ADAM21: variants seen among roughly 807,000 people sequenced by gnomAD.
ADAM21 encodes the protein disintegrin and metalloproteinase domain-containing protein 21.
For missense variants in ADAM21, 678 were observed against 874.4 expected, an observed-to-expected ratio of 0.78 and a Z score of 2.83; for synonymous variants, 262 against 306.0, an observed-to-expected ratio of 0.86 and a Z score of 1.50.
In ADAM21 at chr14:70,458,346, A is replaced by C; in HGVS notation, c.847A>C (p.Lys283Gln). ...EQVLNDFSQW[K>Q]QISLSQLQHD... ...GGTCCTGAACGATTTCTCTCAATGG[A>C]AACAAATCAGTCTTTCCCAGCTACA... Residue 283 changes from lysine to glutamine, a missense_variant, in exon 2 of 2, where the codon AAA (lysine) becomes CAA (glutamine). Physicochemically the swap from Lys to Gln is moderately conservative, Grantham distance 53. Coordinates refer to ENST00000603540, the MANE Select transcript of ADAM21 (RefSeq NM_003813.4). 6.2e-7 allele frequency: 1 copy of C among 1,614,198 alleles called. No homozygotes were observed. The highest frequency in any genetic ancestry group is 8.5e-7 in the Non-Finnish European group (1 of 1,180,040).
Position 70,458,159 on chromosome 14 carries a change from C to T in ADAM21, c.660C>T (p.Phe220=), listed in dbSNP as rs773476178. Reference sequence around the variant, plus strand: ...TAGTTGTTGTGGTGAACCATGATTTCTTCATTTACTCTCAAAGCAACATCT... The same window carrying T: ...TAGTTGTTGTGGTGAACCATGATTTTTTCATTTACTCTCAAAGCAACATCT... ...LELVVVVNHD[F]FIYSQSNISK... is the part of the protein sequence containing the mutation. Residue 220 remains phenylalanine, a synonymous_variant, in exon 2 of 2, where the codon TTC becomes TTT. Transcript: ENST00000603540. 8 of 1,613,716 alleles carry T rather than the reference C, an allele frequency of 5.0e-6. No individual in the cohort carries two copies. The highest frequency in any genetic ancestry group is 6.8e-6 in the Non-Finnish European group (8 of 1,179,820).
chr14:70,458,202 G>T lies in ADAM21; in HGVS notation c.703G>T (p.Val235Leu). The T allele has an allele frequency of 6.2e-7, 1 of 1,613,860 alleles. No homozygotes were observed. The change falls in exon 2 of 2, where the codon GTA becomes TTA. Residue 235 changes from valine to leucine, a missense_variant. By Grantham distance (32) the Val-to-Leu change is conservative (BLOSUM62 1). Coordinates refer to ENST00000603540, the MANE Select transcript of ADAM21 (RefSeq NM_003813.4). ...QSNISKVQED[V>L]FLVVNIVDSM... The stretch of plus-strand genomic sequence containing the variant: ...CAACATCTCAAAGGTGCAAGAGGAT[G>T]TATTTCTTGTTGTCAACATAGTGGA...
intron 1 of ADAM21, among the ~76,000 whole-genome samples, chr14:70,453,712 G>A (rs866970030): frequency 2.6e-5 from 4 of 152,148 alleles, no homozygotes; most frequent in Non-Finnish European, 1.5e-5. Context: ...TCACTCCATA[G>A]TAAGTAGAAA....
Position 70,459,272 on chromosome 14 carries a change from G to A in ADAM21, c.1773G>A (p.Trp591Ter). ...CTCATATCAATGGTGTCACCTGCTGGGGTATTGACTATCATTTAAGGATGA... is the reference window on the plus strand; with the variant it reads ...CTCATATCAATGGTGTCACCTGCTGAGGTATTGACTATCATTTAAGGATGA... ...QHTHINGVTCWGIDYHLRMNI... is the reference protein window; with the variant it reads ...QHTHINGVTC The change falls in exon 2 of 2, where the codon TGG (tryptophan) becomes TGA (stop). Residue 591 changes from tryptophan to a stop codon, truncating the protein, a stop_gained. Transcript: ENST00000603540. LOFTEE classifies it low-confidence loss of function (END_TRUNC). 6.2e-7 allele frequency: 1 copy of A among 1,614,094 alleles called. No individual in the cohort carries two copies. The highest frequency in any genetic ancestry group is 8.5e-7 in the Non-Finnish European group (1 of 1,180,014).
chr14:70,458,673 T>C lies in ADAM21; in HGVS notation c.1174T>C (p.Ser392Pro). The C allele has an allele frequency of 1.2e-6, 2 of 1,613,984 alleles. No individual in the cohort carries two copies. The highest frequency in any genetic ancestry group is 1.7e-6 in the Non-Finnish European group (2 of 1,180,000). ...TATGAAGACCACCTTAAACCAGGGATCATGTCTGCATAATCCTCCAAGATT... is the reference window on the plus strand; with the variant it reads ...TATGAAGACCACCTTAAACCAGGGACCATGTCTGCATAATCCTCCAAGATT... Reference protein sequence around the residue: ...DFMKTTLNQGSCLHNPPRLGE... With the variant: ...DFMKTTLNQGPCLHNPPRLGE... The change falls in exon 2 of 2, where the codon TCA (serine) becomes CCA (proline). Residue 392 changes from serine to proline, a missense_variant. Physicochemically the swap from Ser to Pro is moderately conservative, Grantham distance 74. Coordinates refer to ENST00000603540, the MANE Select transcript of ADAM21 (RefSeq NM_003813.4).
rs185634040 is a variant in ADAM21 at position 70,455,540 on chromosome 14, A to G, written c.-151-1809A>G. 2.2e-4 allele frequency among the ~76,000 whole-genome samples: 33 copies of G among 152,300 alleles called. 1 individual carries two copies. In the East Asian group the frequency reaches 6.2e-3, roughly 28 times the overall value. ...AATTATAAATATTAAAAGGTTGAAA[A>G]CACCATAAACATCACAAAATTTAAT... On this transcript the variant is annotated intron_variant, in intron 1 of 1. Transcript: ENST00000603540.
Position 70,459,098 on chromosome 14 carries a change from C to G in ADAM21, c.1599C>G (p.Ile533Met). The change falls in exon 2 of 2, where the codon ATC becomes ATG. Residue 533 changes from isoleucine (I) to methionine (M), a missense_variant. By Grantham distance (10) the Ile-to-Met change is conservative. Coordinates refer to ENST00000603540, the MANE Select transcript of ADAM21 (RefSeq NM_003813.4). ...KSASQNCYKEINSQGNRFGHC... is the reference protein window; with the variant it reads ...KSASQNCYKEMNSQGNRFGHC... ...CATCTCAGAATTGCTATAAAGAAAT[C>G]AATTCTCAGGGAAACCGTTTTGGTC... 6.2e-7 allele frequency: 1 copy of G among 1,611,312 alleles called. No homozygotes were observed. Among genetic ancestry groups the G allele is most frequent in the Non-Finnish European group, 8.5e-7 (1 of 1,178,560 alleles).
In ADAM21 at chr14:70,459,353, C is replaced by T; in HGVS notation, c.1854C>T (p.Ile618=). Residue 618 remains isoleucine, a synonymous_variant, in exon 2 of 2, where the codon ATC becomes ATT. Transcript: ENST00000603540. ...GTACTGTGTGTGGCCCAGGAAAGATCTGCATCCATAAGAAGTGTGTCAGTC... is the reference window on the plus strand; with the variant it reads ...GTACTGTGTGTGGCCCAGGAAAGATTTGCATCCATAAGAAGTGTGTCAGTC... ...KDGTVCGPGK[I]CIHKKCVSLS... 2 of 1,614,204 alleles carry T rather than the reference C, an allele frequency of 1.2e-6. No individual in the cohort carries two copies. The highest frequency in any genetic ancestry group is 8.5e-7 in the Non-Finnish European group (1 of 1,180,032).
At position 70,457,745 on chromosome 14, in the gene ADAM21, A is replaced by G. The variant is rs3751523; in HGVS notation, c.246A>G (p.Leu82=). ...HVVHMRVKKL[L]VSRHLPVFTY... The stretch of plus-strand genomic sequence containing the variant: ...TTCATATGAGGGTCAAGAAGCTCTT[A>G]GTTTCTAGACACCTCCCAGTGTTCA... Residue 82 remains leucine, a synonymous_variant, in exon 2 of 2, where the codon TTA becomes TTG. Coordinates refer to ENST00000603540, the MANE Select transcript of ADAM21 (RefSeq NM_003813.4). 1,389,422 of 1,602,534 alleles carry G rather than the reference A, an allele frequency of 0.87. 604,582 individuals are homozygous for G. Among genetic ancestry groups the G allele is most frequent in the Non-Finnish European group, 0.9 (1,051,835 of 1,174,090 alleles).
chr14:70,459,510 A>G lies in ADAM21; in HGVS notation c.2011A>G (p.Ile671Val), dbSNP rs140201357. 256 of 1,614,224 alleles carry G rather than the reference A, an allele frequency of 1.6e-4. No homozygotes were observed. Among genetic ancestry groups the G allele is most frequent in the East Asian group, 4.2e-4 (19 of 44,888 alleles). Residue 671 changes from isoleucine (I) to valine (V), a missense_variant, in exon 2 of 2, where the codon ATT (isoleucine) becomes GTT (valine). By Grantham distance (29) the Ile-to-Val change is conservative (BLOSUM62 3). Transcript: ENST00000603540. ...CCAGCACAGAGGCTATGGGGGCAGT[A>G]TTGACAGTGGCCCAGCATCTGCAAA... ...YCQHRGYGGSIDSGPASAKRG... is the reference protein window; with the variant it reads ...YCQHRGYGGSVDSGPASAKRG...
At position 70,458,883 on chromosome 14, in the gene ADAM21, G is replaced by T. The variant is rs568857206; in HGVS notation, c.1384G>T (p.Glu462Ter). The T allele has an allele frequency of 2.5e-6, 4 of 1,614,176 alleles. No individual in the cohort carries two copies. The South Asian group carries it at 4.4e-5, about 18-fold the overall frequency. Residue 462 changes from glutamate to a stop codon, truncating the protein, a stop_gained, in exon 2 of 2, where the codon GAA becomes TAA. Transcript: ENST00000603540. LOFTEE classifies it low-confidence loss of function (END_TRUNC). ...AGACTGCAAGTTCATGCCATCAGGG[G>T]AACTCTGTAGACAAGAGGTCAATGA... ...CKDCKFMPSGELCRQEVNECD... is the reference protein window; with the variant it reads ...CKDCKFMPSG
Position 70,458,386 on chromosome 14 carries a change from A to C in ADAM21, c.887A>C (p.His296Pro), listed in dbSNP as rs1467254888. ...TCCCAGCTACAGCATGATGCTGCAC[A>C]TATGTTCATAAAAAATTCACTTATA... ...SLSQLQHDAA[H>P]MFIKNSLISI... is the part of the protein sequence containing the mutation. Residue 296 changes from histidine (H) to proline (P), a missense_variant, in exon 2 of 2, where the codon CAT (histidine) becomes CCT (proline). Transcript: ENST00000603540. 1.6e-5 allele frequency: 26 copies of C among 1,614,104 alleles called. No individual in the cohort carries two copies. The highest frequency in any genetic ancestry group is 1.9e-5 in the Non-Finnish European group (23 of 1,180,048).
rs759294193 is a variant in ADAM21 at position 70,457,554 on chromosome 14, C to T, written c.55C>T (p.Leu19Phe). The change falls in exon 2 of 2, where the codon CTT becomes TTT. Residue 19 changes from leucine to phenylalanine, a missense_variant. Physicochemically the swap from Leu to Phe is conservative, Grantham distance 22. Transcript: ENST00000603540. ...YIRVTLLLLW[L>F]GVFLSISGYC... is the part of the protein sequence containing the mutation. ...CAGAGTCACTCTTCTGCTGCTCTGGCTTGGGGTATTTTTGTCTATTTCCGG... is the reference window on the plus strand; with the variant it reads ...CAGAGTCACTCTTCTGCTGCTCTGGTTTGGGGTATTTTTGTCTATTTCCGG... The T allele has an allele frequency of 9.9e-6, 16 of 1,610,276 alleles. No individual in the cohort carries two copies. The highest frequency in any genetic ancestry group is 9.3e-6 in the Non-Finnish European group (11 of 1,178,562).
intron 1 of ADAM21, chr14:70,453,417 G>A (rs72735757): frequency 0.033 from 4,950 of 152,284 alleles, 107 homozygotes; most frequent in Middle Eastern, 0.075. Flanking sequence ...CTGATAGTCC[G>A]CTGACATTAG....
At chr14:70,452,645 C>T (rs375301746) in intron 1 of ADAM21, among the ~76,000 whole-genome samples, 13 of 152,266 alleles carry the variant, frequency 8.5e-5, no homozygotes, top group African/African-American at 2.9e-4. Flanking sequence ...GTATTACAGG[C>T]GTGAGCCACC....
Position 70,458,895 on chromosome 14 carries a change from C to G in ADAM21, c.1396C>G (p.Gln466Glu), listed in dbSNP as rs749877506. ...KFMPSGELCR[Q>E]EVNECDLPEW... Reference sequence around the variant, plus strand: ...CATGCCATCAGGGGAACTCTGTAGACAAGAGGTCAATGAATGTGACCTTCC... The same window carrying G: ...CATGCCATCAGGGGAACTCTGTAGAGAAGAGGTCAATGAATGTGACCTTCC... The change falls in exon 2 of 2, where the codon CAA becomes GAA. Residue 466 changes from glutamine (Q) to glutamate (E), a missense_variant. Physicochemically the swap from Gln to Glu is conservative, Grantham distance 29. Coordinates refer to ENST00000603540, the MANE Select transcript of ADAM21 (RefSeq NM_003813.4). 9 of 1,614,096 alleles carry G rather than the reference C, an allele frequency of 5.6e-6. No homozygotes were observed. Among genetic ancestry groups the G allele is most frequent in the South Asian group, 3.3e-5 (3 of 91,070 alleles).
chr14:70,459,869 T>C lies in ADAM21; in HGVS notation c.*201T>C, dbSNP rs1434742998. The C allele has an allele frequency of 1.5e-6, 1 of 658,968 alleles. No individual in the cohort carries two copies. The highest frequency in any genetic ancestry group is 2.5e-6 in the Non-Finnish European group (1 of 400,448). The allele number at this position is 658,968 out of a possible 1,614,324, so 40.8% of individuals were successfully genotyped here. A position where few individuals can be genotyped will look rare whatever the true frequency, so the allele number is the denominator to read the frequency against. On this transcript the variant is annotated 3_prime_UTR_variant, in exon 2 of 2. Coordinates refer to ENST00000603540, the MANE Select transcript of ADAM21 (RefSeq NM_003813.4). ...TGTTTCTATCTATTGTTTATTGTTT[T>C]AAGCAGCAAATAAAGCTACATCCTT...
rs1054849669 is a variant in ADAM21, at chr14:70,459,642, G to T, written c.2143G>T (p.Glu715Ter). 5 of 1,613,958 alleles carry T rather than the reference G, an allele frequency of 3.1e-6. No individual in the cohort carries two copies. In the African/African-American group the frequency reaches 6.7e-5, roughly 22 times the overall value. The change falls in exon 2 of 2, where the codon GAA becomes TAA. Residue 715 changes from glutamate to a stop codon, truncating the protein, a stop_gained. Coordinates refer to ENST00000603540, the MANE Select transcript of ADAM21 (RefSeq NM_003813.4). LOFTEE classifies it high-confidence loss of function. ...MYLRQCSGPK[E>*]TKAHSSG ...TCTACGACAATGTTCTGGTCCCAAA[G>T]AAACTAAGGCTCATTCATCAGGTTA...
At position 70,458,812 on chromosome 14, in the gene ADAM21, G is replaced by A. The variant is rs1566637364; in HGVS notation, c.1313G>A (p.Cys438Tyr). Residue 438 changes from cysteine to tyrosine, a missense_variant, in exon 2 of 2, where the codon TGC becomes TAC. By Grantham distance (194) the Cys-to-Tyr change is radical. Coordinates refer to ENST00000603540, the MANE Select transcript of ADAM21 (RefSeq NM_003813.4). ...CAAGACGCCTGTTGTCTGTTGAACT[G>A]CACTCTAAGGCCTGGGGCTGCCTGT... ...CEQDACCLLN[C>Y]TLRPGAACAF... 6.2e-7 allele frequency: 1 copy of A among 1,614,210 alleles called. No individual in the cohort carries two copies. The highest frequency in any genetic ancestry group is 8.5e-7 in the Non-Finnish European group (1 of 1,180,034).
Sources: gnomAD v4.1 joint callset for allele counts (sites outside exome capture counted in the v4.1 genomes callset) on GRCh38, gnomAD v4.1.1 for gene constraint, MANE v1.5 for transcripts, NCBI Gene and HGNC (gene_info 2026-07-23, HGNC 2026-07-21) for gene names.